The following CAB39 variants were observed in gnomAD, a reference collection of about 807,000 sequenced individuals.
CAB39 encodes calcium-binding protein 39.
Under a neutral mutation model 40.0 loss-of-function variants are expected in CAB39, and 8 were observed. That is an observed-to-expected ratio of 0.20 (90% CI 0.12 to 0.36). The LOEUF (loss-of-function observed/expected upper bound fraction) is 0.36. Among genes scored for constraint, CAB39 ranks in the 10% least tolerant of loss-of-function variants. The pLI is 1.00. For synonymous variants in CAB39, 156 were observed against 141.6 expected, an observed-to-expected ratio of 1.10 and a Z score of -0.72; for missense variants, 270 against 401.1, an observed-to-expected ratio of 0.67 and a Z score of 2.79.
At position 230,818,800 on chromosome 2, in the gene CAB39, TA is replaced by T; in HGVS notation, c.*98del. 1.0e-6 allele frequency: 1 copy of T among 962,958 alleles called. No homozygotes were observed. 59.7% of individuals were successfully genotyped at this position (962,958 alleles called of 1,614,324 possible). On this transcript the variant is annotated 3_prime_UTR_variant, in exon 9 of 9. Transcript: ENST00000258418. ...ATTGATTCATGAGGAACATTACTGC[TA>T]ATCTGCTGTTAAGTGAACGGTTTTT...
At chr2:230,749,734 A>G (rs1055317729) in intron 1 of CAB39, among the ~76,000 whole-genome samples, 1 of 152,124 alleles carries the variant, frequency 6.6e-6, no homozygotes, top group Non-Finnish European at 1.5e-5. Flanking sequence ...TCCTTTTCCT[A>G]CTGTATTAAA....
chr2:230,715,909 A>T, intron 1 of CAB39, among the ~76,000 whole-genome samples: 2 of 152,174 alleles, frequency 1.3e-5, no homozygotes, highest in East Asian at 3.8e-4. Context: ...CATGTTTCCC[A>T]GGCTGGTCTT....
intron 1 of CAB39, among the ~76,000 whole-genome samples, chr2:230,728,239 AAAATAAAT>A (rs78505542): frequency 1.4e-4 from 21 of 151,928 alleles, no homozygotes; most frequent in Admixed American, 1.0e-3. Flanking sequence ...CTCCGTCTCA[AAAATAAAT>A]AAATAAATAA....
At chr2:230,721,166 C>G (rs147447037) in intron 1 of CAB39, among the ~76,000 whole-genome samples, 1 of 152,124 alleles carries the variant, frequency 6.6e-6, no homozygotes, top group Admixed American at 6.5e-5. Context: ...CATGGTGGCT[C>G]GTGCCTGTAA....
chr2:230,742,418 G>A (rs1441104054), intron 1 of CAB39, among the ~76,000 whole-genome samples: 1 of 152,084 alleles, frequency 6.6e-6, no homozygotes, highest in South Asian at 2.1e-4. Flanking sequence ...CTCGTGATTC[G>A]CCCGCCTCGG....
chr2:230,735,873 A>G (rs1440891576), intron 1 of CAB39, among the ~76,000 whole-genome samples: 3 of 152,218 alleles, frequency 2.0e-5, no homozygotes, highest in Non-Finnish European at 4.4e-5. Context: ...AATGGCTTGC[A>G]TGTAATAGGG....
At chr2:230,730,774 A>T (rs1020040712) in intron 1 of CAB39, among the ~76,000 whole-genome samples, 6 of 152,170 alleles carry the variant, frequency 3.9e-5, no homozygotes, top group African/African-American at 1.4e-4. Flanking sequence ...CCATTGGATG[A>T]AAAAGCAGGT....
chr2:230,753,613 G>A (rs1438978278), intron 1 of CAB39, among the ~76,000 whole-genome samples: 1 of 151,970 alleles, frequency 6.6e-6, no homozygotes, highest in Admixed American at 6.6e-5. Flanking sequence ...CAGGCATGGT[G>A]GTACGTGCCT....
At chr2:230,770,391 A>C (rs1454849499) in intron 2 of CAB39, among the ~76,000 whole-genome samples, 1 of 152,208 alleles carries the variant, frequency 6.6e-6, no homozygotes, top group Non-Finnish European at 1.5e-5. Context: ...CTCCAAAGAC[A>C]CAAATTGCCA....
intron 4 of CAB39, among the ~76,000 whole-genome samples, chr2:230,797,766 T>G (rs543788275): frequency 6.6e-5 from 10 of 152,040 alleles, no homozygotes; most frequent in African/African-American, 1.7e-4. Context: ...GTCAGAGAGA[T>G]AGAAAGGAGA....
chr2:230,815,426 G>A (rs1464517418), intron 7 of CAB39, among the ~76,000 whole-genome samples: 1 of 152,184 alleles, frequency 6.6e-6, no homozygotes, highest in Admixed American at 6.5e-5. Flanking sequence ...GGAGGTTCCT[G>A]GGGCCTCTCC....
At chr2:230,765,894 C>T (rs1695377262) in intron 2 of CAB39, among the ~76,000 whole-genome samples, 1 of 151,930 alleles carries the variant, frequency 6.6e-6, no homozygotes, top group South Asian at 2.1e-4. Context: ...AGACATTTCG[C>T]TATTAGGATA....
At chr2:230,796,321 C>T (rs564628960) in intron 4 of CAB39, among the ~76,000 whole-genome samples, 1 of 152,196 alleles carries the variant, frequency 6.6e-6, no homozygotes, top group Admixed American at 6.5e-5. Flanking sequence ...AGTCGTATTG[C>T]TAGTGTTAGA....
rs992833314 is a variant in CAB39 at position 230,766,055 on chromosome 2, T to C, written c.114+5940T>C. On this transcript the variant is annotated intron_variant, in intron 2 of 8. Transcript: ENST00000258418. ...CTGGAATTTCCAGTTCACTTTCTTA[T>C]CAGGATTCGAAAGGAAGTAGCAACT... 8.5e-5 allele frequency among the ~76,000 whole-genome samples: 13 copies of C among 152,196 alleles called. No individual in the cohort carries two copies. The East Asian group carries it at 9.6e-4, about 11-fold the overall frequency.
chr2:230,819,864 T>G lies in CAB39; in HGVS notation c.*1160T>G, dbSNP rs1461895270. Reference sequence around the variant, plus strand: ...AATTAATGCTGATTCTTTGTGTGTGTGGGAAATCTCTGTAGAGCACCTTTT... The same window carrying G: ...AATTAATGCTGATTCTTTGTGTGTGGGGGAAATCTCTGTAGAGCACCTTTT... On this transcript the variant is annotated 3_prime_UTR_variant, in exon 9 of 9. Coordinates refer to ENST00000258418, the MANE Select transcript of CAB39 (RefSeq NM_016289.4). 3.3e-5 allele frequency: 5 copies of G among 152,732 alleles called. No homozygotes were observed. The highest frequency in any genetic ancestry group is 3.9e-4 in the East Asian group (2 of 5,194). 9.5% of individuals were successfully genotyped at this position (152,732 alleles called of 1,614,324 possible).
intron 4 of CAB39, 67 bp from the exon 5 acceptor site, chr2:230,798,662 G>T (rs541943232): frequency 5.8e-6 from 8 of 1,373,972 alleles, no homozygotes; most frequent in Non-Finnish European, 8.0e-6. Context: ...AGTTTGAACT[G>T]TTCAGTGTTG....
chr2:230,799,322 G>A (rs1465190015), intron 5 of CAB39, among the ~76,000 whole-genome samples: 1 of 152,176 alleles, frequency 6.6e-6, no homozygotes, highest in Non-Finnish European at 1.5e-5. Context: ...CCACATTCAG[G>A]ACAGAGATAC....
chr2:230,784,026 G>GC, intron 2 of CAB39, among the ~76,000 whole-genome samples: 3 of 152,258 alleles, frequency 2.0e-5, no homozygotes, highest in Middle Eastern at 6.8e-3. Flanking sequence ...TCCCCATTAG[G>GC]CCCCCTGCAA....
At chr2:230,727,402 T>TGTGTGTG (rs1559589592) in intron 1 of CAB39, among the ~76,000 whole-genome samples, 2 of 105,418 alleles carry the variant, frequency 1.9e-5, no homozygotes, top group African/African-American at 1.1e-4. Flanking sequence ...GTGTGTGTAT[T>TGTGTGTG]TTTTTTTCTT....
Sources: gnomAD v4.1 joint callset for allele counts (sites outside exome capture counted in the v4.1 genomes callset) on GRCh38, gnomAD v4.1.1 for gene constraint, MANE v1.5 for transcripts, NCBI Gene and HGNC (gene_info 2026-07-23, HGNC 2026-07-21) for gene names.